The following ASIC2 variants were observed in gnomAD, a reference collection of about 807,000 sequenced individuals.
ASIC2 encodes the protein acid sensing ion channel subunit 2, also known as acid-sensing ion channel 2.
Under a neutral mutation model 57.3 loss-of-function variants are expected in ASIC2, and 25 were observed. The ratio of observed to expected loss-of-function variants is 0.44; its 90% CI spans 0.32 to 0.61. The LOEUF (loss-of-function observed/expected upper bound fraction) is 0.61, where lower values mean the gene tolerates loss of function less well. Among genes scored for constraint, ASIC2 ranks in the 20% least tolerant of loss-of-function variants. The pLI is 0.06. For synonymous variants in ASIC2, 319 were observed against 307.5 expected, an observed-to-expected ratio of 1.04 and a Z score of -0.39; for missense variants, 641 against 738.1, an observed-to-expected ratio of 0.87 and a Z score of 1.52.
intron 2 of ASIC2, chr17:33,099,934 T>G (rs1344378005): frequency 6.6e-6 from 1 of 152,232 alleles, no homozygotes; most frequent in Non-Finnish European, 1.5e-5. Context: ...TACAATATTC[T>G]CTCAATGAAT....
rs532538861 is a variant in ASIC2 at position 33,212,727 on chromosome 17, C to T, written c.708+78681G>A. Among the ~76,000 whole-genome samples, 6 of 152,326 alleles carry T rather than the reference C, an allele frequency of 3.9e-5. No individual in the cohort carries two copies. In the East Asian group the frequency reaches 7.7e-4, roughly 20 times the overall value. ...TTGGCTCTCTCTAAGCACAGGAGGT[C>T]TGAGCAGGGGCCTCTGCTCCCTCCC... On this transcript the variant is annotated intron_variant, in intron 1 of 9. Coordinates refer to ENST00000225823, the MANE Select transcript of ASIC2 (RefSeq NM_183377.2).
intron 1 of ASIC2, among the ~76,000 whole-genome samples, chr17:33,386,943 GGTGTGTGTGTGTGTGTCTGT>G (rs1448069953): frequency 6.6e-6 from 1 of 151,456 alleles, no homozygotes; most frequent in Non-Finnish European, 1.5e-5. Flanking sequence ...AATTCTTTGG[GGTGTGTGTGTGTGTGTCTGT>G]GTGTGTGTGT....
intron 1 of ASIC2, among the ~76,000 whole-genome samples, chr17:33,855,592 T>C (rs1913901061): frequency 6.6e-6 from 1 of 152,194 alleles, no homozygotes; most frequent in East Asian, 1.9e-4. Context: ...AAATCTCATG[T>C]GTATCCACCT....
intron 1 of ASIC2, among the ~76,000 whole-genome samples, chr17:33,564,953 AC>A (rs1362859240): frequency 6.6e-6 from 1 of 152,206 alleles, no homozygotes; most frequent in Non-Finnish European, 1.5e-5. Flanking sequence ...CATAAGTGAT[AC>A]TTTTATTTAA....
chr17:33,721,710 G>A (rs1348362634), intron 1 of ASIC2, among the ~76,000 whole-genome samples: 1 of 152,230 alleles, frequency 6.6e-6, no homozygotes, highest in Admixed American at 6.5e-5. Context: ...TGGATGCAAT[G>A]GTTAGAGAAG....
chr17:33,728,404 C>T (rs528552760), intron 1 of ASIC2, among the ~76,000 whole-genome samples: 1 of 152,260 alleles, frequency 6.6e-6, no homozygotes, highest in East Asian at 1.9e-4. Flanking sequence ...TAATGGTCAG[C>T]TTCTGTGATC....
intron 1 of ASIC2, among the ~76,000 whole-genome samples, chr17:33,645,275 G>C (rs1253112651): frequency 1.3e-5 from 2 of 152,134 alleles, no homozygotes; most frequent in African/African-American, 4.8e-5. Context: ...TACAATACTA[G>C]GTAGGCAGAG....
At chr17:34,139,664 A>G (rs1912218395) in intron 1 of ASIC2, among the ~76,000 whole-genome samples, 1 of 152,234 alleles carries the variant, frequency 6.6e-6, no homozygotes, top group East Asian at 1.9e-4. Context: ...CAAAATGCAC[A>G]TACTACATGA....
intron 1 of ASIC2, among the ~76,000 whole-genome samples, chr17:33,954,051 TAAGC>T (rs1437936760): frequency 1.3e-5 from 2 of 152,168 alleles, no homozygotes; most frequent in African/African-American, 4.8e-5. Flanking sequence ...GAACCTGGGC[TAAGC>T]CTGCCAACAT....
intron 1 of ASIC2, chr17:34,071,959 A>G (rs1909424554): frequency 6.6e-6 from 1 of 152,300 alleles, no homozygotes; most frequent in Non-Finnish European, 1.5e-5. Flanking sequence ...GTCACATGGC[A>G]GGCGCAGGCT....
At chr17:33,363,384 T>C (rs1221882053) in intron 1 of ASIC2, among the ~76,000 whole-genome samples, 2 of 152,332 alleles carry the variant, frequency 1.3e-5, no homozygotes, top group East Asian at 3.9e-4. Flanking sequence ...TAAGAGGCAG[T>C]GACTTTTCCG....
intron 1 of ASIC2, among the ~76,000 whole-genome samples, chr17:33,768,952 A>G (rs540995179): frequency 6.6e-5 from 10 of 152,248 alleles, no homozygotes; most frequent in East Asian, 5.8e-4. Context: ...TCATCACTCA[A>G]TGAAATTCCC....
intron 1 of ASIC2, among the ~76,000 whole-genome samples, chr17:34,142,257 A>G (rs1229628477): frequency 6.6e-6 from 1 of 152,196 alleles, no homozygotes; most frequent in Non-Finnish European, 1.5e-5. Context: ...TCCTGCTCCA[A>G]GAGAGGCCCC....
chr17:33,614,663 TAAG>T, intron 1 of ASIC2, among the ~76,000 whole-genome samples: 1 of 152,352 alleles, frequency 6.6e-6, no homozygotes, highest in South Asian at 2.1e-4. Context: ...AAAATACAAA[TAAG>T]AAAGCACAAA....
chr17:33,242,708 C>T (rs565722097), intron 1 of ASIC2, among the ~76,000 whole-genome samples: 4 of 152,256 alleles, frequency 2.6e-5, no homozygotes, highest in South Asian at 2.1e-4. Context: ...AGTGTATAAT[C>T]GCCTCCATAA....
chr17:33,854,812 C>T lies in ASIC2; in HGVS notation c.555+301166G>A, dbSNP rs369678616. On this transcript the variant is annotated intron_variant, in intron 1 of 9. Transcript: ENST00000359872. ...CATTTGTCATCTGCCCTGGGATGAA[C>T]TTTCCTTGTGGGATTGTCCTTCCCT... Among the ~76,000 whole-genome samples the T allele has an allele frequency of 2.3e-4, 35 of 152,308 alleles. No homozygotes were observed. In the East Asian group the frequency reaches 6.2e-3, roughly 27 times the overall value.
intron 2 of ASIC2, among the ~76,000 whole-genome samples, chr17:33,096,031 C>T (rs1171366308): frequency 1.3e-5 from 2 of 152,222 alleles, no homozygotes; most frequent in Non-Finnish European, 2.9e-5. Context: ...CACTGCTCTG[C>T]ATTCCCTAGG....
At position 33,108,527 on chromosome 17, in the gene ASIC2, C is replaced by G. The variant is rs144220054; in HGVS notation, c.859+3390G>C. On this transcript the variant is annotated intron_variant, in intron 2 of 9. Coordinates refer to ENST00000225823, the MANE Select transcript of ASIC2 (RefSeq NM_183377.2). Reference sequence around the variant, plus strand: ...GCAGCCACGTGTGTCTGCGCCTCCTCAGGTGGCTTTACAGACAAGCATCTC... The same window carrying G: ...GCAGCCACGTGTGTCTGCGCCTCCTGAGGTGGCTTTACAGACAAGCATCTC... 2.7e-3 allele frequency among the ~76,000 whole-genome samples: 405 copies of G among 152,318 alleles called. 2 individuals carry two copies. The highest frequency in any genetic ancestry group is 4.5e-3 in the Non-Finnish European group (303 of 68,038).
intron 1 of ASIC2, among the ~76,000 whole-genome samples, chr17:33,231,504 C>T (rs755907246): frequency 2.6e-5 from 4 of 152,124 alleles, no homozygotes; most frequent in African/African-American, 4.8e-5. Flanking sequence ...TAGCTTGTGA[C>T]GGCTTTCTCT....
Sources: allele counts gnomAD v4.1 joint callset (sites outside exome capture counted in the v4.1 genomes callset), GRCh38; gene constraint gnomAD v4.1.1; transcripts MANE v1.5; gene names NCBI Gene and HGNC (gene_info 2026-07-23, HGNC 2026-07-21).